Variants in ABCB11 observed in about 807,000 individuals in gnomAD.
The protein encoded by ABCB11 is bile salt export pump.
ABCB11 carries 95 observed loss-of-function variants against 148.0 expected under a neutral mutation model. That is an observed-to-expected ratio of 0.64 (90% CI 0.54 to 0.76). The LOEUF (loss-of-function observed/expected upper bound fraction) is 0.76. ABCB11 is among the 30% of genes least tolerant of loss of function. The pLI, the probability that ABCB11 is intolerant of heterozygous loss-of-function variation, is 0.00. For synonymous variants in ABCB11, 591 were observed against 555.4 expected (o/e 1.06, Z -0.90); for missense variants, 1,523 against 1,617.8 (o/e 0.94, Z 1.01).
In ABCB11 at chr2:169,014,320, C is replaced by T. The variant is rs766888895; in HGVS notation, c.133G>A (p.Val45Ile). 1.4e-5 allele frequency: 22 copies of T among 1,613,362 alleles called. No homozygotes were observed. The highest frequency in any genetic ancestry group is 1.8e-5 in the Non-Finnish European group (21 of 1,179,598). ...TTTATTACCAATTGAAAGAAGCCAA[C>T]TCTAACGCCATCACCTTTCTTCTCA... ...QDEKKGDGVR[V>I]GFFQLFRFSS... Residue 45 changes from valine (V) to isoleucine (I), a missense_variant, in exon 4 of 28, where the codon GTT (valine) becomes ATT (isoleucine). Physicochemically the swap from Val to Ile is conservative, Grantham distance 29. Coordinates refer to ENST00000650372, the MANE Select transcript of ABCB11 (RefSeq NM_003742.4).
In ABCB11 at chr2:168,922,591, T is replaced by C. The variant is rs1282313556; in HGVS notation, c.*1031A>G. 6.6e-6 allele frequency among the ~76,000 whole-genome samples: 1 copy of C among 152,210 alleles called. No homozygotes were observed. The highest frequency in any genetic ancestry group is 6.5e-5 in the Admixed American group (1 of 15,282). On this transcript the variant is annotated 3_prime_UTR_variant, in exon 28 of 28. Coordinates refer to ENST00000650372, the MANE Select transcript of ABCB11 (RefSeq NM_003742.4). ...GTTACATTTTTGTTTTCTCTCATCTTGTAACTCTATTATCAATTGTCCATT... is the reference window on the plus strand; with the variant it reads ...GTTACATTTTTGTTTTCTCTCATCTCGTAACTCTATTATCAATTGTCCATT...
At chr2:168,984,217 T>C (rs78041064) in intron 10 of ABCB11, among the ~76,000 whole-genome samples, 1,995 of 152,278 alleles carry the variant, frequency 0.013, 22 homozygotes, top group Middle Eastern at 0.048. Flanking sequence ...TATCCTGCTA[T>C]TCACTGTCAA....
chr2:168,974,611 G>A (rs1469783816), intron 12 of ABCB11, among the ~76,000 whole-genome samples: 1 of 151,864 alleles, frequency 6.6e-6, no homozygotes, highest in Non-Finnish European at 1.5e-5. Flanking sequence ...GGCATCAAAT[G>A]TGCTTTTTTA....
At chr2:168,974,667 T>A (rs12989783) in intron 12 of ABCB11, among the ~76,000 whole-genome samples, 82,836 of 151,782 alleles carry the variant, frequency 0.55, 22,941 homozygotes, top group East Asian at 0.72. Flanking sequence ...GTTAAAAACA[T>A]ACTCGTACTA....
chr2:168,936,567 T>G, intron 21 of ABCB11, 134 bp from the exon 22 acceptor site: 1 of 792,702 alleles, frequency 1.3e-6, no homozygotes, highest in Non-Finnish European at 2.0e-6. Context: ...TTAACCATTC[T>G]TAAGTGTACA....
intron 5 of ABCB11, among the ~76,000 whole-genome samples, chr2:169,006,819 T>C (rs995976046): frequency 3.3e-5 from 5 of 152,140 alleles, no homozygotes; most frequent in Admixed American, 6.5e-5. Context: ...ACATCAAAAA[T>C]AATAAAATAC....
At chr2:169,008,742 G>C (rs1695092139) in intron 5 of ABCB11, among the ~76,000 whole-genome samples, 1 of 152,082 alleles carries the variant, frequency 6.6e-6, no homozygotes, top group South Asian at 2.1e-4. Context: ...GCAGTTCCTA[G>C]AATAGTTAAA....
At chr2:168,935,933 C>A (rs1691799685) in intron 22 of ABCB11, among the ~76,000 whole-genome samples, 1 of 152,172 alleles carries the variant, frequency 6.6e-6, no homozygotes. Flanking sequence ...TCCACCCCTG[C>A]AAATGAGAGT....
intron 1 of ABCB11, among the ~76,000 whole-genome samples, chr2:169,021,731 A>C (rs1408011312): frequency 2.6e-5 from 4 of 152,126 alleles, no homozygotes; most frequent in African/African-American, 9.6e-5. Context: ...CATTTGATTT[A>C]ATCAAATATA....
chr2:168,924,139 GC>G (rs1345655878), intron 27 of ABCB11, among the ~76,000 whole-genome samples: 2 of 152,152 alleles, frequency 1.3e-5, no homozygotes, highest in African/African-American at 4.8e-5. Context: ...CAGTTAAGTG[GC>G]CATTCCTGAT....
intron 5 of ABCB11, among the ~76,000 whole-genome samples, chr2:169,004,649 C>T (rs1694969168): frequency 6.6e-6 from 1 of 152,128 alleles, no homozygotes; most frequent in South Asian, 2.1e-4. Context: ...TAATAATCAA[C>T]CTTCTAAAGT....
intron 11 of ABCB11, among the ~76,000 whole-genome samples, 189 bp downstream of exon 11, chr2:168,979,672 CAAAAA>C (rs55859131): frequency 6.0e-5 from 6 of 100,106 alleles, no homozygotes; most frequent in African/African-American, 1.5e-4. Context: ...AACTCCATCT[CAAAAA>C]AAAAAAAAAA....
chr2:168,973,931 C>G, intron 12 of ABCB11, 91 bp from the exon 13 acceptor site: 6 of 1,451,800 alleles, frequency 4.1e-6, no homozygotes, highest in Non-Finnish European at 5.6e-6. Context: ...TGTGTTGATA[C>G]TCGGTGTCTG....
intron 5 of ABCB11, among the ~76,000 whole-genome samples, chr2:169,001,749 T>C (rs539467973): frequency 6.6e-6 from 1 of 152,314 alleles, no homozygotes; most frequent in East Asian, 1.9e-4. Flanking sequence ...AGCAGGATTT[T>C]GTTGAGTCTT....
At chr2:169,026,152 T>G (rs1695687457) in intron 1 of ABCB11, among the ~76,000 whole-genome samples, 1 of 152,180 alleles carries the variant, frequency 6.6e-6, no homozygotes, top group Non-Finnish European at 1.5e-5. Flanking sequence ...TGGTACTCTG[T>G]GAGATTGTTT....
chr2:168,933,796 G>A (rs1200709155), intron 23 of ABCB11, among the ~76,000 whole-genome samples: 1 of 152,200 alleles, frequency 6.6e-6, no homozygotes, highest in Non-Finnish European at 1.5e-5. Context: ...CCAGGCTGGA[G>A]TGTAGTGGCA....
intron 21 of ABCB11, among the ~76,000 whole-genome samples, chr2:168,943,624 T>C (rs1405193223): frequency 2.0e-5 from 3 of 152,174 alleles, no homozygotes; most frequent in Non-Finnish European, 4.4e-5. Flanking sequence ...GGGAAACACA[T>C]GTGCTTCCAG....
At chr2:168,965,993 C>T (rs1693299901) in intron 17 of ABCB11, among the ~76,000 whole-genome samples, 1 of 151,836 alleles carries the variant, frequency 6.6e-6, no homozygotes, top group African/African-American at 2.4e-5. Context: ...CAGACTCTTG[C>T]CAAGACTCAT....
At chr2:168,975,563 T>TA (rs1558901233) in intron 12 of ABCB11, among the ~76,000 whole-genome samples, 3 of 36,052 alleles carry the variant, frequency 8.3e-5, no homozygotes, top group Non-Finnish European at 1.8e-4. Context: ...ATAAATATTT[T>TA]TATATTTATA....
Sources: allele counts gnomAD v4.1 joint callset (sites outside exome capture counted in the v4.1 genomes callset), GRCh38; gene constraint gnomAD v4.1.1; transcripts MANE v1.5; gene names NCBI Gene and HGNC (gene_info 2026-07-23, HGNC 2026-07-21).